The following ENPP7 variants were observed in gnomAD, a reference collection of about 807,000 sequenced individuals.
ENPP7 encodes ectonucleotide pyrophosphatase/phosphodiesterase 7.
In ENPP7, 39 loss-of-function variants were observed where a neutral mutation model predicts 33.6. The observed-to-expected ratio is 1.16, with a 90% CI of 0.90 to 1.52. The LOEUF is 1.52. Among genes scored for constraint, ENPP7 ranks in the 40% most tolerant of loss-of-function variants. The pLI is 0.00. For missense variants in ENPP7, 594 were observed against 641.0 expected, an observed-to-expected ratio of 0.93 and a Z score of 0.79; for synonymous variants, 244 against 274.3, an observed-to-expected ratio of 0.89 and a Z score of 1.09.
chr17:79,735,674 G>C lies in ENPP7; in HGVS notation c.1026+5G>C, dbSNP rs370786110. 2.4e-5 allele frequency: 39 copies of C among 1,598,704 alleles called. No homozygotes were observed. The highest frequency in any genetic ancestry group is 3.1e-5 in the Non-Finnish European group (36 of 1,169,634). On this transcript the variant is annotated splice_donor_5th_base_variant and intron_variant, in intron 3 of 5. Transcript: ENST00000328313. This position sits in a 1 kb window ranked among gnomAD's most constrained non-coding sequence, Gnocchi z 5.5. ...CTTGGCTACGTCATCCATGGGGTGA[G>C]TCGCCTGCTGGAGGCACCACCTCCA... is the stretch of plus-strand genomic sequence containing the variant.
Position 79,731,108 on chromosome 17 carries a change from C to A in ENPP7, c.-32C>A. ...CCTCGGCAGGAGCCAGCCCTGTGCA[C>A]CCTGTGTGCCTGTCCATCTGGAAGG... On this transcript the variant is annotated 5_prime_UTR_variant, in exon 1 of 6. Transcript: ENST00000328313. The A allele has an allele frequency of 1.3e-6, 2 of 1,586,710 alleles. No individual in the cohort carries two copies. The highest frequency in any genetic ancestry group is 1.1e-5 in the South Asian group (1 of 87,298).
Position 79,737,782 on chromosome 17 carries a change from C to A in ENPP7, c.1247-134C>A. 1 of 977,670 alleles carries A rather than the reference C, an allele frequency of 1.0e-6. No homozygotes were observed. Among genetic ancestry groups the A allele is most frequent in the Non-Finnish European group, 1.6e-6 (1 of 638,436 alleles). 60.6% of individuals were successfully genotyped at this position (977,670 alleles called of 1,614,324 possible). A position where few individuals can be genotyped will look rare whatever the true frequency, so the allele number is the denominator to read the frequency against. On this transcript the variant is annotated intron_variant, in intron 4 of 5. Transcript: ENST00000328313. This position sits in a 1 kb window ranked among gnomAD's most constrained non-coding sequence, Gnocchi z 5.5. Reference sequence around the variant, plus strand: ...TATGAAGGGCCGTGGTGGACAAAGGCCATGGGACCAAGGGGGCGGTGAAAG... The same window carrying A: ...TATGAAGGGCCGTGGTGGACAAAGGACATGGGACCAAGGGGGCGGTGAAAG...
At chr17:79,732,141 T>TAC (rs2094287452) in intron 1 of ENPP7, among the ~76,000 whole-genome samples, 3 of 54,540 alleles carry the variant, frequency 5.5e-5, no homozygotes, top group African/African-American at 3.1e-4. Context: ...TGTATATATA[T>TAC]ATATATATAC....
Position 79,733,566 on chromosome 17 carries a change from G to T in ENPP7, c.312G>T (p.Lys104Asn), listed in dbSNP as rs138305176. The T allele has an allele frequency of 4.0e-4, 643 of 1,613,606 alleles. No individual in the cohort carries two copies. Among genetic ancestry groups the T allele is most frequent in the Non-Finnish European group, 5.0e-4 (592 of 1,180,004 alleles). Residue 104 changes from lysine to asparagine, a missense_variant, in exon 2 of 6, where the codon AAG (lysine) becomes AAT (asparagine). By Grantham distance (94) the Lys-to-Asn change is moderately conservative. Coordinates refer to ENST00000328313, the MANE Select transcript of ENPP7 (RefSeq NM_178543.5). Reference sequence around the variant, plus strand: ...ACATGTACTACAACACCACCAGCAAGGTGAAGCTGCCCTACCACGCCACGC... The same window carrying T: ...ACATGTACTACAACACCACCAGCAATGTGAAGCTGCCCTACCACGCCACGC... ...VHNMYYNTTSKVKLPYHATLG... is the reference protein window; with the variant it reads ...VHNMYYNTTSNVKLPYHATLG...
At chr17:79,732,147 T>TATATATAA (rs2094287581) in intron 1 of ENPP7, among the ~76,000 whole-genome samples, 1 of 65,996 alleles carries the variant, frequency 1.5e-5, no homozygotes, top group Admixed American at 2.2e-4. Flanking sequence ...TATATATATA[T>TATATATAA]ATACACACAC....
rs2094297236 is a variant in ENPP7 at position 79,737,097 on chromosome 17, C to T, written c.1083C>T (p.Asp361=). The T allele has an allele frequency of 1.9e-6, 3 of 1,614,068 alleles. No individual in the cohort carries two copies. The highest frequency in any genetic ancestry group is 2.5e-6 in the Non-Finnish European group (3 of 1,180,044). ...GEHGFDNKDM[D]MKTIFRAVGP... is the part of the protein sequence containing the mutation. Reference sequence around the variant, plus strand: ...ACGGCTTTGACAACAAGGACATGGACATGAAGACCATCTTCCGCGCTGTGG... The same window carrying T: ...ACGGCTTTGACAACAAGGACATGGATATGAAGACCATCTTCCGCGCTGTGG... Residue 361 remains aspartate (D), a synonymous_variant, in exon 4 of 6, where the codon GAC becomes GAT. Coordinates refer to ENST00000328313, the MANE Select transcript of ENPP7 (RefSeq NM_178543.5). The surrounding 1 kb of genome is among the most constrained non-coding windows in gnomAD (Gnocchi z 5.5).
rs1555823993 is a variant in ENPP7 at position 79,738,011 on chromosome 17, C to A, written c.1342C>A (p.Leu448Met). 3 of 1,613,130 alleles carry A rather than the reference C, an allele frequency of 1.9e-6. No individual in the cohort carries two copies. The highest frequency in any genetic ancestry group is 2.5e-6 in the Non-Finnish European group (3 of 1,179,990). The part of the protein sequence containing the change: ...SSRPLLVMGL[L>M]GTVILLSEVA The stretch of plus-strand genomic sequence containing the variant: ...CAGGCCCCTCCTCGTGATGGGACTG[C>A]TGGGGACCGTGATTCTTCTGTCTGA... Residue 448 changes from leucine (L) to methionine (M), a missense_variant, in exon 5 of 6, where the codon CTG (leucine) becomes ATG (methionine). Physicochemically the swap from Leu to Met is conservative, Grantham distance 15. Coordinates refer to ENST00000328313, the MANE Select transcript of ENPP7 (RefSeq NM_178543.5). This position sits in a 1 kb window ranked among gnomAD's most constrained non-coding sequence, Gnocchi z 6.2.
intron 1 of ENPP7, 83 bp downstream of exon 1, chr17:79,731,475 G>A (rs2145787912): frequency 6.8e-7 from 1 of 1,477,680 alleles, no homozygotes; most frequent in Non-Finnish European, 9.0e-7. Flanking sequence ...GCAGGATAAA[G>A]GGGAGAGGTC....
chr17:79,739,645 G>A lies in ENPP7; in HGVS notation c.*16+1583G>A, dbSNP rs35645920. 3,360 of 152,408 alleles carry A rather than the reference G, an allele frequency of 0.022. 52 individuals carry two copies. Among genetic ancestry groups the A allele is most frequent in the Non-Finnish European group, 0.033 (2,272 of 68,128 alleles). 9.4% of individuals were successfully genotyped at this position (152,408 alleles called of 1,614,324 possible). On this transcript the variant is annotated intron_variant, in intron 5 of 5. Transcript: ENST00000328313. The surrounding 1 kb of genome is among the most constrained non-coding windows in gnomAD (Gnocchi z 4.4). ...AGTCGGGGGGGCCGAGACTTGTTTC[G>A]GCCGTGATCAGCCTCAATGCCGGCG... is the stretch of plus-strand genomic sequence containing the variant.
At position 79,730,951 on chromosome 17, in the gene ENPP7, G is replaced by A; in HGVS notation, c.-189G>A. On this transcript the variant is annotated 5_prime_UTR_variant, in exon 1 of 6. Transcript: ENST00000328313. ...CAAGTTGATGCCACCCCACGCACGTGAGGCTGGGACCAGGGGTGGCACTGA... is the reference window on the plus strand; with the variant it reads ...CAAGTTGATGCCACCCCACGCACGTAAGGCTGGGACCAGGGGTGGCACTGA... 1.6e-6 allele frequency: 1 copy of A among 617,490 alleles called. No homozygotes were observed. The highest frequency in any genetic ancestry group is 2.8e-6 in the Non-Finnish European group (1 of 357,932). The allele number at this position is 617,490 out of a possible 1,614,324, so 38.3% of individuals were successfully genotyped here. A position where few individuals can be genotyped will look rare whatever the true frequency, so the allele number is the denominator to read the frequency against.
In ENPP7 at chr17:79,735,298, G is replaced by T; in HGVS notation, c.655G>T (p.Val219Leu). The T allele has an allele frequency of 1.9e-6, 3 of 1,613,398 alleles. No individual in the cohort carries two copies. Among genetic ancestry groups the T allele is most frequent in the Non-Finnish European group, 2.5e-6 (3 of 1,180,002 alleles). Reference sequence around the variant, plus strand: ...GGAGAGGAGGGAGATGGTGCGGCAGGTGGACCGGACCGTGGGCTACCTCCG... The same window carrying T: ...GGAGAGGAGGGAGATGGTGCGGCAGTTGGACCGGACCGTGGGCTACCTCCG... ...SPERREMVRQ[V>L]DRTVGYLRES... The change falls in exon 3 of 6, where the codon GTG (valine) becomes TTG (leucine). Residue 219 changes from valine (V) to leucine (L), a missense_variant. By Grantham distance (32) the Val-to-Leu change is conservative. Coordinates refer to ENST00000328313, the MANE Select transcript of ENPP7 (RefSeq NM_178543.5). This position sits in a 1 kb window ranked among gnomAD's most constrained non-coding sequence, Gnocchi z 5.5.
chr17:79,733,547 A>C lies in ENPP7; in HGVS notation c.293A>C (p.Tyr98Ser). Residue 98 changes from tyrosine (Y) to serine (S), a missense_variant, in exon 2 of 6, where the codon TAC (tyrosine) becomes TCC (serine). Transcript: ENST00000328313. ...AACCACGGGGTGGTTCACAACATGT[A>C]CTACAACACCACCAGCAAGGTGAAG... is the stretch of plus-strand genomic sequence containing the variant. ...IENHGVVHNM[Y>S]YNTTSKVKLP... is the part of the protein sequence containing the mutation. 1 of 1,613,548 alleles carries C rather than the reference A, an allele frequency of 6.2e-7. No individual in the cohort carries two copies. Among genetic ancestry groups the C allele is most frequent in the South Asian group, 1.1e-5 (1 of 91,076 alleles).
chr17:79,732,360 T>G (rs532896972), intron 1 of ENPP7, among the ~76,000 whole-genome samples: 1,610 of 151,910 alleles, frequency 0.011, 36 homozygotes, highest in African/African-American at 0.037. Flanking sequence ...TGGCCCTCCC[T>G]AGGGGCTCAG....
In ENPP7 at chr17:79,735,972, C is replaced by T. The variant is rs143881009; in HGVS notation, c.1026+303C>T. Among the ~76,000 whole-genome samples, 2 of 152,272 alleles carry T rather than the reference C, an allele frequency of 1.3e-5. No homozygotes were observed. The highest frequency in any genetic ancestry group is 4.1e-4 in the South Asian group (2 of 4,830). On this transcript the variant is annotated intron_variant, in intron 3 of 5. Transcript: ENST00000328313. This position sits in a 1 kb window ranked among gnomAD's most constrained non-coding sequence, Gnocchi z 5.5. ...TCATCCAGGCTGGAGGGTAATGGTG[C>T]CATCTTGGCTCGCTGCATCCTCCAC...
chr17:79,737,812 A>T lies in ENPP7; in HGVS notation c.1247-104A>T. 1 of 1,271,396 alleles carries T rather than the reference A, an allele frequency of 7.9e-7. No homozygotes were observed. The highest frequency in any genetic ancestry group is 2.3e-5 in the East Asian group (1 of 42,974). 78.8% of individuals were successfully genotyped at this position (1,271,396 alleles called of 1,614,324 possible). A position where few individuals can be genotyped will look rare whatever the true frequency, so the allele number is the denominator to read the frequency against. ...GGACCAAGGGGGCGGTGAAAGAGGA[A>T]GGAGGGGCTCGTGGGGACCAACAGA... On this transcript the variant is annotated intron_variant, in intron 4 of 5. Transcript: ENST00000328313. This position sits in a 1 kb window ranked among gnomAD's most constrained non-coding sequence, Gnocchi z 5.5.
At position 79,738,125 on chromosome 17, in the gene ENPP7, T is replaced by C; in HGVS notation, c.*16+63T>C. On this transcript the variant is annotated intron_variant, in intron 5 of 5. Coordinates refer to ENST00000328313, the MANE Select transcript of ENPP7 (RefSeq NM_178543.5). This position sits in a 1 kb window ranked among gnomAD's most constrained non-coding sequence, Gnocchi z 6.2. ...CACGCTCCCTGACCCTCCACCCTGA[T>C]GTCCCAGCTACAGTCCTAGGCAACC... 1.3e-6 allele frequency: 2 copies of C among 1,540,336 alleles called. No individual in the cohort carries two copies. Among genetic ancestry groups the C allele is most frequent in the South Asian group, 1.1e-5 (1 of 87,992 alleles).
rs1905566715 is a variant in ENPP7 at position 79,742,021 on chromosome 17, C to A, written c.*244C>A. Reference sequence around the variant, plus strand: ...TCCCATAACCGGCCCCCTGCCCCTGCCCCTGCTCCTGCTCCTCCCCTTCGG... The same window carrying A: ...TCCCATAACCGGCCCCCTGCCCCTGACCCTGCTCCTGCTCCTCCCCTTCGG... On this transcript the variant is annotated 3_prime_UTR_variant, in exon 6 of 6. Coordinates refer to ENST00000328313, the MANE Select transcript of ENPP7 (RefSeq NM_178543.5). 4 of 820,184 alleles carry A rather than the reference C, an allele frequency of 4.9e-6. No individual in the cohort carries two copies. Among genetic ancestry groups the A allele is most frequent in the Non-Finnish European group, 4.4e-6 (3 of 677,168 alleles). 50.8% of individuals were successfully genotyped at this position (820,184 alleles called of 1,614,324 possible).
chr17:79,731,959 A>G (rs1487638926), intron 1 of ENPP7, among the ~76,000 whole-genome samples: 1 of 151,698 alleles, frequency 6.6e-6, no homozygotes, highest in African/African-American at 2.4e-5. Context: ...TTAGCCAGGC[A>G]TGATGGTGCA....
rs1241815198 is a variant in ENPP7, at chr17:79,731,325, G to A, written c.186G>A (p.Val62=). ...TGGACGCCATGGCCCGAGACGGGGT[G>A]AAGGCACGCTACATGACCCCCGCCT... is the stretch of plus-strand genomic sequence containing the variant. The part of the protein sequence containing the change: ...PNLDAMARDG[V]KARYMTPAFV... The change falls in exon 1 of 6, where the codon GTG becomes GTA. Residue 62 remains valine (V), a synonymous_variant. Transcript: ENST00000328313. The A allele has an allele frequency of 6.2e-7, 1 of 1,613,768 alleles. No individual in the cohort carries two copies. Among genetic ancestry groups the A allele is most frequent in the African/African-American group, 1.3e-5 (1 of 75,056 alleles).
Sources: gnomAD v4.1 joint callset for allele counts (sites outside exome capture counted in the v4.1 genomes callset) on GRCh38, gnomAD v4.1.1 for gene constraint, Gnocchi (gnomAD v3.1) non-coding constraint, MANE v1.5 for transcripts, NCBI Gene and HGNC (gene_info 2026-07-23, HGNC 2026-07-21) for gene names.